Variants in TERF2 observed in about 807,000 individuals in gnomAD.
The protein encoded by TERF2 is telomeric repeat-binding factor 2.
Under a neutral mutation model 56.1 loss-of-function variants are expected in TERF2, and 16 were observed. That is an observed-to-expected ratio of 0.29 (90% CI 0.19 to 0.43). The LOEUF is 0.43. TERF2 is among the 20% of genes least tolerant of loss of function. The pLI is 1.00. For synonymous variants in TERF2, 296 were observed against 282.1 expected, an observed-to-expected ratio of 1.05 and a Z score of -0.50; for missense variants, 547 against 712.9, an observed-to-expected ratio of 0.77 and a Z score of 2.65.
At chr16:69,382,537 G>T (rs2014042231) in intron 3 of TERF2, among the ~76,000 whole-genome samples, 1 of 152,210 alleles carries the variant, frequency 6.6e-6, no homozygotes, top group Non-Finnish European at 1.5e-5. Context: ...ATGACCAAGA[G>T]CATATGGTGG....
intron 3 of TERF2, among the ~76,000 whole-genome samples, chr16:69,383,891 C>T (rs2014092113): frequency 6.6e-6 from 1 of 152,182 alleles, no homozygotes; most frequent in Non-Finnish European, 1.5e-5. Flanking sequence ...ACCCCCCAGC[C>T]TTGGTTTTGG....
At chr16:69,381,449 A>G (rs1039275646) in intron 3 of TERF2, among the ~76,000 whole-genome samples, 2 of 152,070 alleles carry the variant, frequency 1.3e-5, no homozygotes, top group African/African-American at 4.8e-5. Flanking sequence ...TTTGGTATGC[A>G]GCAGAAACAT....
At chr16:69,370,148 A>G (rs1047689971) in intron 5 of TERF2, 7 of 295,752 alleles carry the variant, frequency 2.4e-5, no homozygotes, top group Non-Finnish European at 3.8e-5. Context: ...CTCCTGCCTC[A>G]GCCTCCAAAG....
intron 3 of TERF2, among the ~76,000 whole-genome samples, chr16:69,374,695 C>T (rs1379081420): frequency 7.8e-6 from 1 of 127,884 alleles, no homozygotes; most frequent in African/African-American, 3.0e-5. Context: ...GGGCCAGGCG[C>T]AGTGGCTCGC....
intron 3 of TERF2, among the ~76,000 whole-genome samples, chr16:69,383,239 G>A (rs189463209): frequency 1.3e-5 from 2 of 152,178 alleles, no homozygotes; most frequent in Admixed American, 6.5e-5. Flanking sequence ...TGAGTGCCAT[G>A]TTGGCACTCA....
chr16:69,359,265 C>T (rs1025818864), intron 8 of TERF2, among the ~76,000 whole-genome samples: 3 of 152,150 alleles, frequency 2.0e-5, no homozygotes, highest in South Asian at 2.1e-4. Context: ...TGGTGGCTCA[C>T]GCCTGTAATC....
intron 3 of TERF2, among the ~76,000 whole-genome samples, chr16:69,376,440 T>C (rs960429958): frequency 6.6e-6 from 1 of 152,238 alleles, no homozygotes; most frequent in African/African-American, 2.4e-5. Flanking sequence ...CTCATAATTC[T>C]TAAAATTGGG....
At chr16:69,357,629 C>CATGGAAT in intron 8 of TERF2, 68 bp from the exon 9 acceptor site, 9 of 1,572,136 alleles carry the variant, frequency 5.7e-6, no homozygotes, top group Non-Finnish European at 7.8e-6. Flanking sequence ...AAGAAAAAGA[C>CATGGAAT]ATGGAATGTC....
rs1431970322 is a variant in TERF2 at position 69,367,682 on chromosome 16, A to AG, written c.948-484dup. Among the ~76,000 whole-genome samples the AG allele has an allele frequency of 3.9e-5, 6 of 152,328 alleles. No individual in the cohort carries two copies. The East Asian group carries it at 1.2e-3, about 29-fold the overall frequency. ...TCATTTGGAACAGTTAGTATGCTTT[A>AG]GGGAAAAACTGTTAGGAGAGGGGGC... On this transcript the variant is annotated intron_variant, in intron 6 of 9. Transcript: ENST00000254942.
At chr16:69,384,890 A>C in intron 2 of TERF2, 180 bp from the exon 3 acceptor site, 1 of 550,646 alleles carries the variant, frequency 1.8e-6, no homozygotes, top group Non-Finnish European at 2.8e-6. Context: ...ATTCAAATCA[A>C]TGAATTTAAC....
rs918105731 is a variant in TERF2, at chr16:69,355,728, A to G, written c.*1170T>C. 1 of 155,766 alleles carries G rather than the reference A, an allele frequency of 6.4e-6. No homozygotes were observed. Among genetic ancestry groups the G allele is most frequent in the Non-Finnish European group, 1.4e-5 (1 of 69,920 alleles). 9.6% of individuals were successfully genotyped at this position (155,766 alleles called of 1,614,324 possible). A position where few individuals can be genotyped will look rare whatever the true frequency, so the allele number is the denominator to read the frequency against. On this transcript the variant is annotated 3_prime_UTR_variant, in exon 10 of 10. Coordinates refer to ENST00000254942, the MANE Select transcript of TERF2 (RefSeq NM_005652.5). ...AGACAGCAAGCACAACACAGTACAA[A>G]AGGAGAAGGGAATGTTGAATTCCAG... is the stretch of plus-strand genomic sequence containing the variant.
At chr16:69,370,687 T>C in intron 4 of TERF2, 58 bp from the exon 5 acceptor site, 2 of 1,531,488 alleles carry the variant, frequency 1.3e-6, no homozygotes, top group Non-Finnish European at 1.8e-6. Context: ...AAAAATTCAA[T>C]GATGATGAGG....
chr16:69,382,359 T>C (rs1185479481), intron 3 of TERF2, among the ~76,000 whole-genome samples: 1 of 152,260 alleles, frequency 6.6e-6, no homozygotes, highest in African/African-American at 2.4e-5. Context: ...ATTCCGTGAC[T>C]GTAAATGAGA....
At position 69,367,340 on chromosome 16, in the gene TERF2, T is replaced by A; in HGVS notation, c.948-141A>T. 8 of 916,418 alleles carry A rather than the reference T, an allele frequency of 8.7e-6. No homozygotes were observed. The South Asian group carries it at 1.3e-4, about 15-fold the overall frequency. The allele number at this position is 916,418 out of a possible 1,614,324, so 56.8% of individuals were successfully genotyped here. On this transcript the variant is annotated intron_variant, in intron 6 of 9. Coordinates refer to ENST00000254942, the MANE Select transcript of TERF2 (RefSeq NM_005652.5). ...TGATATGTAAGTTGTATTATGAATT[T>A]AAAACTCCAAGTTAGAGAACCTTTA...
intron 8 of TERF2, among the ~76,000 whole-genome samples, chr16:69,360,106 G>T (rs980902927): frequency 6.6e-6 from 1 of 151,884 alleles, no homozygotes; most frequent in Non-Finnish European, 1.5e-5. Context: ...GTACAATTTG[G>T]GTCTGGGCGG....
At position 69,355,697 on chromosome 16, in the gene TERF2, C is replaced by T. The variant is rs548526982; in HGVS notation, c.*1201G>A. The T allele has an allele frequency of 6.6e-6, 1 of 152,654 alleles. No homozygotes were observed. The highest frequency in any genetic ancestry group is 2.1e-4 in the South Asian group (1 of 4,834). 9.5% of individuals were successfully genotyped at this position (152,654 alleles called of 1,614,324 possible). A position where few individuals can be genotyped will look rare whatever the true frequency, so the allele number is the denominator to read the frequency against. ...TAAAAAGACAGTCTTTAAGGGTGTC[C>T]GGGAGAGACAGCAAGCACAACACAG... On this transcript the variant is annotated 3_prime_UTR_variant, in exon 10 of 10. Coordinates refer to ENST00000254942, the MANE Select transcript of TERF2 (RefSeq NM_005652.5).
chr16:69,377,018 T>C (rs1015198951), intron 3 of TERF2, among the ~76,000 whole-genome samples: 2 of 151,742 alleles, frequency 1.3e-5, no homozygotes, highest in African/African-American at 4.8e-5. Context: ...CTGGCCAACA[T>C]GGTGAAACCC....
chr16:69,370,190 C>G (rs2013512321), intron 5 of TERF2: 1 of 385,626 alleles, frequency 2.6e-6, no homozygotes, highest in South Asian at 6.6e-5. Context: ...GCCACCACGC[C>G]CAGCTAATTT....
At chr16:69,368,241 T>C (rs1292332198) in intron 6 of TERF2, 135 bp downstream of exon 6, 2 of 759,972 alleles carry the variant, frequency 2.6e-6, no homozygotes, top group African/African-American at 1.7e-5. Flanking sequence ...TCTCCCCCAG[T>C]GCCTTGTATG....
Sources: gnomAD v4.1 joint callset for allele counts (sites outside exome capture counted in the v4.1 genomes callset) on GRCh38, gnomAD v4.1.1 for gene constraint, MANE v1.5 for transcripts, NCBI Gene and HGNC (gene_info 2026-07-23, HGNC 2026-07-21) for gene names.